Variants in PLXND1 observed in about 807,000 individuals in gnomAD.
The protein encoded by PLXND1 is plexin-D1.
In PLXND1, 54 loss-of-function variants were observed where a neutral mutation model predicts 197.7. The observed-to-expected ratio is 0.27, with a 90% CI of 0.22 to 0.34. The LOEUF (loss-of-function observed/expected upper bound fraction) is 0.34, where lower values mean the gene tolerates loss of function less well. Ranked by LOEUF, PLXND1 falls within the 10% of genes least tolerant of loss-of-function variation. The probability of loss-of-function intolerance (pLI) is 1.00; values close to 1 mark genes in which losing one functional copy is unlikely to be tolerated. For missense variants in PLXND1, 2,127 were observed against 2,699.2 expected (o/e 0.79, Z 4.70); for synonymous variants, 1,180 against 1,161.2 (o/e 1.02, Z -0.33).
At chr3:129,589,613 G>T in intron 1 of PLXND1, 86 bp from the exon 2 acceptor site, 1 of 1,183,864 alleles carries the variant, frequency 8.4e-7, no homozygotes, top group Non-Finnish European at 1.2e-6. Flanking sequence ...CTCAGGCCCT[G>T]GCATCAGAGC....
chr3:129,572,108 T>C (rs988911536), intron 15 of PLXND1, among the ~76,000 whole-genome samples: 1 of 152,172 alleles, frequency 6.6e-6, no homozygotes, highest in African/African-American at 2.4e-5. Context: ...CCCAGATCCC[T>C]GAAGGCACTG....
In PLXND1 at chr3:129,606,301, C is replaced by A; in HGVS notation, c.339G>T (p.Ser113=). The A allele has an allele frequency of 6.6e-7, 1 of 1,523,032 alleles. No homozygotes were observed. Among genetic ancestry groups the A allele is most frequent in the Non-Finnish European group, 8.8e-7 (1 of 1,141,050 alleles). 94.3% of individuals were successfully genotyped at this position (1,523,032 alleles called of 1,614,324 possible). A position where few individuals can be genotyped will look rare whatever the true frequency, so the allele number is the denominator to read the frequency against. ...LCHAPQLPQA[S]CEHPRRLTDN... ...CCGTGAGGCGCCGCGGGTGCTCGCA[C>A]GAGGCCTGCGGCAGCTGCGGAGCGT... The change falls in exon 1 of 36, where the codon TCG becomes TCT. Residue 113 remains serine (S), a synonymous_variant. Transcript: ENST00000324093.
chr3:129,596,477 T>C (rs1388333397), intron 1 of PLXND1, among the ~76,000 whole-genome samples: 2 of 152,094 alleles, frequency 1.3e-5, no homozygotes, highest in African/African-American at 4.8e-5. Context: ...CCCCTCCCCC[T>C]GGGTCCCAGA....
intron 25 of PLXND1, among the ~76,000 whole-genome samples, 166 bp from the exon 26 acceptor site, chr3:129,563,406 C>T (rs2085091731): frequency 6.6e-6 from 1 of 152,194 alleles, no homozygotes; most frequent in African/African-American, 2.4e-5. Flanking sequence ...ACCCTAAGCT[C>T]GTGTTCATTA....
chr3:129,574,959 G>A (rs961921994), intron 11 of PLXND1, among the ~76,000 whole-genome samples: 5 of 152,226 alleles, frequency 3.3e-5, no homozygotes, highest in Non-Finnish European at 7.3e-5. Context: ...GTAGCCCAAA[G>A]AGGAGGGCAG....
Position 129,571,761 on chromosome 3 carries a change from C to G in PLXND1, c.3161G>C (p.Arg1054Pro). Reference protein sequence around the residue: ...PVPVCVRFERRGCVHGNLTFW... With the variant: ...PVPVCVRFERPGCVHGNLTFW... ...GGTGAGGTTGCCGTGCACGCAGCCC[C>G]GACGCTCGAAGCGCACACACACAGG... Residue 1054 changes from arginine to proline, a missense_variant, in exon 16 of 36, where the codon CGG becomes CCG. Arg to Pro is a moderately radical substitution (Grantham distance 103). Around this residue, in one of 6 missense-constraint regions of PLXND1, gnomAD observed 1,095 missense variants for 1,259.8 expected, o/e 0.87. Coordinates refer to ENST00000324093, the MANE Select transcript of PLXND1 (RefSeq NM_015103.3). The G allele has an allele frequency of 2.5e-6, 4 of 1,613,384 alleles. No individual in the cohort carries two copies. Among genetic ancestry groups the G allele is most frequent in the African/African-American group, 1.3e-5 (1 of 75,026 alleles).
chr3:129,559,102 C>T (rs577021188), intron 32 of PLXND1: 15 of 156,088 alleles, frequency 9.6e-5, no homozygotes, highest in African/African-American at 2.6e-4. Flanking sequence ...TGCACAGAGG[C>T]GCCTGGGCTG....
chr3:129,603,048 C>T (rs2085733090), intron 1 of PLXND1, among the ~76,000 whole-genome samples: 1 of 152,216 alleles, frequency 6.6e-6, no homozygotes, highest in South Asian at 2.1e-4. Flanking sequence ...AATGATCCCT[C>T]CCCCACCCCT....
intron 2 of PLXND1, 44 bp downstream of exon 2, chr3:129,589,307 G>GCCCCCCCCCCCCCCCCCCCCCCCCCCC: frequency 2.9e-6 from 2 of 684,692 alleles, no homozygotes; most frequent in Non-Finnish European, 2.6e-6. Context: ...TCCCAGGGGA[G>GCCCCCCCCCCCCCCCCCCCCCCCCCCC]CCTCCCACCC....
rs527654628 is a variant in PLXND1, at chr3:129,566,651, G to A, written c.4087-20C>T. The A allele has an allele frequency of 1.3e-5, 19 of 1,472,862 alleles. No individual in the cohort carries two copies. Among genetic ancestry groups the A allele is most frequent in the Non-Finnish European group, 1.7e-5 (18 of 1,059,930 alleles). 91.2% of individuals were successfully genotyped at this position (1,472,862 alleles called of 1,614,324 possible). A position where few individuals can be genotyped will look rare whatever the true frequency, so the allele number is the denominator to read the frequency against. ...GGAACACTGCAGAGGCAGACCCCCA[G>A]CATCTCAGCGGGGCTGGACACCCCC... On this transcript the variant is annotated intron_variant, in intron 22 of 35. Coordinates refer to ENST00000324093, the MANE Select transcript of PLXND1 (RefSeq NM_015103.3).
chr3:129,572,861 C>T lies in PLXND1; in HGVS notation c.2918G>A (p.Arg973Gln), dbSNP rs200818763. 2,421 of 1,613,824 alleles carry T rather than the reference C, an allele frequency of 1.5e-3. 45 individuals carry two copies. In the Admixed American group the frequency reaches 0.02, roughly 14 times the overall value. The change falls in exon 14 of 36, where the codon CGG (arginine) becomes CAG (glutamine). Residue 973 changes from arginine to glutamine, a missense_variant. Arg to Gln is a conservative substitution (Grantham distance 43, BLOSUM62 1). Coordinates refer to ENST00000324093, the MANE Select transcript of PLXND1 (RefSeq NM_015103.3). ...CCTTACCACGTAGGAGAAGCGGTCC[C>T]GGGACTTGCCCTCCTTAGAGGCGTT... ...TVNASKEGKS[R>Q]DRFSYVLPLV...
chr3:129,606,402 A>AGGCTGATT lies in PLXND1; in HGVS notation c.237_238insAATCAGCC (p.Tyr80AsnfsTer11). 1 of 1,475,832 alleles carries AGGCTGATT rather than the reference A, an allele frequency of 6.8e-7. No homozygotes were observed. The highest frequency in any genetic ancestry group is 8.9e-7 in the Non-Finnish European group (1 of 1,117,420). The allele number at this position is 1,475,832 out of a possible 1,614,324, so 91.4% of individuals were successfully genotyped here. On this transcript the variant is annotated frameshift_variant, in exon 1 of 36. Coordinates refer to ENST00000324093, the MANE Select transcript of PLXND1 (RefSeq NM_015103.3). LOFTEE classifies it high-confidence loss of function. ...CTCAGGTTGGCGCCCGACAGCTGAT[A>AGGCTGATT]GAGGCGGTTGACGGCCGCCAGGTAC...
chr3:129,569,621 G>C (rs1466186304), intron 20 of PLXND1: 1 of 537,594 alleles, frequency 1.9e-6, no homozygotes, highest in Non-Finnish European at 3.4e-6. Context: ...CTGGGCGTGG[G>C]CCTAGCATAT....
Position 129,578,452 on chromosome 3 carries a change from G to A in PLXND1, c.2242-19C>T. On this transcript the variant is annotated intron_variant, in intron 8 of 35. Transcript: ENST00000324093. ...GAGGGCTCTGCAGAGGAAACAGAAG[G>A]AGAGGGTGACACAGGGGCATTTCAG... 1.3e-6 allele frequency: 2 copies of A among 1,491,832 alleles called. No individual in the cohort carries two copies. The highest frequency in any genetic ancestry group is 1.4e-5 in the African/African-American group (1 of 73,040). The allele number at this position is 1,491,832 out of a possible 1,614,324, so 92.4% of individuals were successfully genotyped here. A position where few individuals can be genotyped will look rare whatever the true frequency, so the allele number is the denominator to read the frequency against.
chr3:129,586,001 G>A lies in PLXND1; in HGVS notation c.1802C>T (p.Pro601Leu), dbSNP rs780780156. 4.3e-6 allele frequency: 7 copies of A among 1,613,930 alleles called. No homozygotes were observed. The highest frequency in any genetic ancestry group is 5.9e-6 in the Non-Finnish European group (7 of 1,180,030). The change falls in exon 5 of 36, where the codon CCT becomes CTT. Residue 601 changes from proline (P) to leucine (L), a missense_variant. Coordinates refer to ENST00000324093, the MANE Select transcript of PLXND1 (RefSeq NM_015103.3). ...CTCGGAAGGCAGGACGGTCATGGCA[G>A]GACAGCGGCTGGGGCCCTCGCTGGC... Reference protein sequence around the residue: ...TSASEGPSRCPAMTVLPSEID... With the variant: ...TSASEGPSRCLAMTVLPSEID...
chr3:129,573,450 T>C (rs1268202704), intron 13 of PLXND1, 144 bp downstream of exon 13: 1 of 798,124 alleles, frequency 1.3e-6, no homozygotes, highest in Non-Finnish European at 2.0e-6. Flanking sequence ...GGGAATGGCT[T>C]CGGCACAGGC....
Position 129,559,781 on chromosome 3 carries a change from GC to G in PLXND1, c.5135del (p.Gly1712AlafsTer15). ...IYLTRLLSTK[G>X]TLQKFLDDLF... The stretch of plus-strand genomic sequence containing the variant: ...GGTCATCCAGAAACTTCTGCAACGT[GC>G]CCTGCGGGGGAGTGGGGTGGCCGCC... On this transcript the variant is annotated frameshift_variant and splice_region_variant, in exon 32 of 36. Transcript: ENST00000324093. LOFTEE classifies it high-confidence loss of function. 2 of 1,599,090 alleles carry G rather than the reference GC, an allele frequency of 1.3e-6. No homozygotes were observed. Among genetic ancestry groups the G allele is most frequent in the Non-Finnish European group, 1.7e-6 (2 of 1,172,346 alleles).
rs752614960 is a variant in PLXND1, at chr3:129,572,954, G to A, written c.2838-13C>T. Reference sequence around the variant, plus strand: ...GACACACACGATCCTGAGGGGAGGTGCTGTGGTCAGCCAGCGGTCCTTGGC... The same window carrying A: ...GACACACACGATCCTGAGGGGAGGTACTGTGGTCAGCCAGCGGTCCTTGGC... On this transcript the variant is annotated splice_polypyrimidine_tract_variant and intron_variant, in intron 13 of 35. Transcript: ENST00000324093. 6.3e-7 allele frequency: 1 copy of A among 1,598,754 alleles called. No individual in the cohort carries two copies. Among genetic ancestry groups the A allele is most frequent in the East Asian group, 2.2e-5 (1 of 44,712 alleles).
chr3:129,579,151 A>G (rs561627402), intron 8 of PLXND1, among the ~76,000 whole-genome samples: 5 of 151,830 alleles, frequency 3.3e-5, no homozygotes, highest in Non-Finnish European at 7.4e-5. Context: ...TCATGGAACG[A>G]AAGAAGGAGG....
Sources: gnomAD v4.1 joint callset for allele counts (sites outside exome capture counted in the v4.1 genomes callset) on GRCh38, gnomAD v4.1.1 for gene constraint, gnomAD v4.1.1 regional missense constraint, MANE v1.5 for transcripts, NCBI Gene and HGNC (gene_info 2026-07-23, HGNC 2026-07-21) for gene names.